The following ADCY3 variants were observed in gnomAD, a reference collection of about 807,000 sequenced individuals.
ADCY3 encodes adenylate cyclase type 3.
Under a neutral mutation model 119.4 loss-of-function variants are expected in ADCY3, and 70 were observed. That is an observed-to-expected ratio of 0.59 (90% CI 0.48 to 0.72). The LOEUF is 0.72. Among genes scored for constraint, ADCY3 ranks in the 30% least tolerant of loss-of-function variants. ADCY3 has a pLI of 0.00. For synonymous variants in ADCY3, 672 were observed against 621.4 expected (o/e 1.08, Z -1.21); for missense variants, 1,238 against 1,541.6 (o/e 0.80, Z 3.30).
rs201922841 is a variant in ADCY3, at chr2:24,918,581, C to A, written c.407G>T (p.Arg136Leu). Residue 136 changes from arginine to leucine, a missense_variant, in exon 2 of 22, where the codon CGC becomes CTC. By Grantham distance (102) the Arg-to-Leu change is moderately radical. Around this residue, in one of 7 missense-constraint regions of ADCY3, gnomAD observed 227 missense variants for 249.3 expected, o/e 0.91. Transcript: ENST00000679454. This position sits in a 1 kb window ranked among gnomAD's most constrained non-coding sequence, Gnocchi z 5.4. ...KKGLLPDRVT[R>L]RVLPYVLWLL... The stretch of plus-strand genomic sequence containing the variant: ...CCACAGCACGTAGGGCAGCACTCTG[C>A]GGGTGACCCGGTCCGGGAGCAGCCC... 7.4e-6 allele frequency: 12 copies of A among 1,614,124 alleles called. No homozygotes were observed. The highest frequency in any genetic ancestry group is 1.0e-5 in the Non-Finnish European group (12 of 1,180,030).
intron 7 of ADCY3, among the ~76,000 whole-genome samples, chr2:24,839,131 G>A (rs1339518556): frequency 6.6e-6 from 1 of 151,990 alleles, no homozygotes; most frequent in Non-Finnish European, 1.5e-5. Flanking sequence ...TAGTAGAGAT[G>A]GGGTTTCGTC....
chr2:24,832,151 G>A (rs991304761), intron 11 of ADCY3: 1 of 215,202 alleles, frequency 4.6e-6, no homozygotes, highest in Non-Finnish European at 9.4e-6. Context: ...CGGTGCCAGG[G>A]AATTGCTGCT....
chr2:24,851,455 C>G (rs1672284446), intron 3 of ADCY3, among the ~76,000 whole-genome samples: 1 of 152,186 alleles, frequency 6.6e-6, no homozygotes, highest in African/African-American at 2.4e-5. Flanking sequence ...GCAATATTGT[C>G]TCAAGTTTGC....
intron 3 of ADCY3, among the ~76,000 whole-genome samples, chr2:24,851,322 G>A (rs1332395574): frequency 6.6e-6 from 1 of 152,160 alleles, no homozygotes; most frequent in Admixed American, 6.5e-5. Flanking sequence ...GGTCACCCTG[G>A]GCTGGCTTCG....
chr2:24,820,272 G>A (rs779380081), intron 21 of ADCY3, 158 bp from the exon 22 acceptor site: 122 of 1,206,132 alleles, frequency 1.0e-4, no homozygotes, highest in Non-Finnish European at 1.3e-4. Context: ...TTCCACCCGT[G>A]GCGAGCAGCG....
rs1676012441 is a variant in ADCY3, at chr2:24,878,678, C to G, written c.676-5959G>C. ...AGGTGGCCCCTCCAAAGGCAACCAG[C>G]CTTCTCCCACCCAAGGAGGCCCAGC... On this transcript the variant is annotated intron_variant, in intron 2 of 21. Transcript: ENST00000679454. This position sits in a 1 kb window ranked among gnomAD's most constrained non-coding sequence, Gnocchi z 4.0. Among the ~76,000 whole-genome samples, 1 of 152,218 alleles carries G rather than the reference C, an allele frequency of 6.6e-6. No homozygotes were observed. The highest frequency in any genetic ancestry group is 2.4e-5 in the African/African-American group (1 of 41,456).
intron 2 of ADCY3, among the ~76,000 whole-genome samples, chr2:24,873,445 C>T (rs546461175): frequency 2.0e-5 from 3 of 152,308 alleles, no homozygotes; most frequent in African/African-American, 4.8e-5. Flanking sequence ...GTCAGTACCC[C>T]GGCTCAAAGG....
rs549069067 is a variant in ADCY3, at chr2:24,830,733, C to T, written c.2148G>A (p.Leu716=). 1.9e-6 allele frequency: 3 copies of T among 1,614,054 alleles called. No homozygotes were observed. The highest frequency in any genetic ancestry group is 2.2e-5 in the South Asian group (2 of 91,068). Residue 716 remains leucine, a synonymous_variant, in exon 13 of 22, where the codon CTG becomes CTA. Transcript: ENST00000679454. ...CCATGTCCACGACATTTGCCATCAC[C>T]AGGATGAAGATGGCGAGCATGGCCC... ...NTWAMLAIFI[L]VMANVVDMLS...
At chr2:24,909,916 G>A (rs1322742457) in intron 2 of ADCY3, among the ~76,000 whole-genome samples, 1 of 152,182 alleles carries the variant, frequency 6.6e-6, no homozygotes, top group African/African-American at 2.4e-5. Flanking sequence ...ATAGTGATGA[G>A]CCTAACCTTT....
intron 3 of ADCY3, among the ~76,000 whole-genome samples, chr2:24,856,523 G>T (rs1450316487): frequency 2.0e-5 from 3 of 152,232 alleles, no homozygotes; most frequent in African/African-American, 7.2e-5. Flanking sequence ...TACCTAAGCA[G>T]AGGGGGCTGT....
At chr2:24,843,228 A>T (rs903283964) in intron 3 of ADCY3, among the ~76,000 whole-genome samples, 4 of 152,100 alleles carry the variant, frequency 2.6e-5, no homozygotes, top group Non-Finnish European at 5.9e-5. Flanking sequence ...GCCCAATCTG[A>T]CTGCTGCTGT....
chr2:24,861,216 A>T (rs1371881467), intron 3 of ADCY3, among the ~76,000 whole-genome samples: 9 of 146,242 alleles, frequency 6.2e-5, no homozygotes, highest in Admixed American at 2.9e-4. Flanking sequence ...GTGCCACTGC[A>T]CTCCAGCCTG....
Position 24,872,799 on chromosome 2 carries a change from G to A in ADCY3, c.676-80C>T, listed in dbSNP as rs1675193540. ...AAAGGGGATGGAGAAGGGGATGGAG[G>A]AGGTGGGGTGGGTGGTGACCAAAAT... On this transcript the variant is annotated intron_variant, in intron 2 of 21. Transcript: ENST00000679454. This position sits in a 1 kb window ranked among gnomAD's most constrained non-coding sequence, Gnocchi z 4.4. 2.0e-6 allele frequency: 3 copies of A among 1,534,596 alleles called. No homozygotes were observed. The highest frequency in any genetic ancestry group is 2.7e-6 in the Non-Finnish European group (3 of 1,126,706).
intron 2 of ADCY3, among the ~76,000 whole-genome samples, chr2:24,877,692 A>G (rs1675886624): frequency 6.6e-6 from 1 of 152,220 alleles, no homozygotes; most frequent in Non-Finnish European, 1.5e-5. Flanking sequence ...AGTGGCACAC[A>G]GGAGACTCCT....
chr2:24,906,180 G>A (rs1679425019), intron 2 of ADCY3, among the ~76,000 whole-genome samples: 1 of 152,030 alleles, frequency 6.6e-6, no homozygotes, highest in Admixed American at 6.6e-5. Flanking sequence ...GGTGGTGCAC[G>A]CCTGTAATCC....
At chr2:24,863,538 C>T (rs1394360572) in intron 3 of ADCY3, among the ~76,000 whole-genome samples, 1 of 152,126 alleles carries the variant, frequency 6.6e-6, no homozygotes, top group African/African-American at 2.4e-5. Context: ...TCTAGAGAAC[C>T]CTAATACAGC....
chr2:24,894,217 C>T (rs1678001799), intron 2 of ADCY3, among the ~76,000 whole-genome samples: 1 of 152,190 alleles, frequency 6.6e-6, no homozygotes, highest in Admixed American at 6.5e-5. Context: ...AGTGTGGTGG[C>T]TCACATTGTA....
Position 24,841,353 on chromosome 2 carries a change from C to T in ADCY3, c.1102G>A (p.Asp368Asn). 1.9e-6 allele frequency: 3 copies of T among 1,606,106 alleles called. No homozygotes were observed. The highest frequency in any genetic ancestry group is 2.5e-6 in the Non-Finnish European group (3 of 1,176,702). Residue 368 changes from aspartate (D) to asparagine (N), a missense_variant, in exon 6 of 22, where the codon GAC (aspartate) becomes AAC (asparagine). This residue lies in a region of ADCY3 where 283 missense variants were observed against 437.2 expected (regional missense o/e 0.65). Transcript: ENST00000679454. The surrounding 1 kb of genome is among the most constrained non-coding windows in gnomAD (Gnocchi z 5.8). ...AAGCCGCAGATGCAGTAGTAGCAGT[C>T]GCCCAGGATCTTAATCCGCAGCTGG... Reference protein sequence around the residue: ...YHQLRIKILGDCYYCICGLPD... With the variant: ...YHQLRIKILGNCYYCICGLPD...
intron 9 of ADCY3, 105 bp from the exon 10 acceptor site, chr2:24,835,041 T>G: frequency 7.2e-7 from 1 of 1,383,100 alleles, no homozygotes; most frequent in Non-Finnish European, 9.8e-7. Context: ...GAGGGCATAC[T>G]CGGAGGACCA....
Sources: gnomAD v4.1 joint callset for allele counts (sites outside exome capture counted in the v4.1 genomes callset) on GRCh38, gnomAD v4.1.1 for gene constraint, gnomAD v4.1.1 regional missense constraint, Gnocchi (gnomAD v3.1) non-coding constraint, MANE v1.5 for transcripts, NCBI Gene and HGNC (gene_info 2026-07-23, HGNC 2026-07-21) for gene names.